The following SLC24A2 variants were observed in gnomAD, a reference collection of about 807,000 sequenced individuals.
SLC24A2 encodes sodium/potassium/calcium exchanger 2.
Under a neutral mutation model 62.0 loss-of-function variants are expected in SLC24A2, and 36 were observed. The observed-to-expected ratio is 0.58, with a 90% CI of 0.44 to 0.77. The LOEUF is 0.77. Ranked by LOEUF, SLC24A2 falls within the 30% of genes least tolerant of loss-of-function variation. The probability of loss-of-function intolerance (pLI) is 0.00; values close to 1 mark genes in which losing one functional copy is unlikely to be tolerated. For missense variants in SLC24A2, 846 were observed against 817.9 expected, an observed-to-expected ratio of 1.03 and a Z score of -0.42; for synonymous variants, 358 against 294.0, an observed-to-expected ratio of 1.22 and a Z score of -2.23.
chr9:20,147,497 T>G, the SLC24A2 span, among the ~76,000 whole-genome samples: 1 of 152,102 alleles, frequency 6.6e-6, no homozygotes, highest in Non-Finnish European at 1.5e-5. Context: ...TTAAAAGAAA[T>G]AAAAATTGGG....
chr9:19,623,530 G>A (rs374640834), intron 2 of SLC24A2, among the ~76,000 whole-genome samples: 126 of 152,076 alleles, frequency 8.3e-4, no homozygotes, highest in African/African-American at 2.9e-3. Context: ...AAAATAGAAG[G>A]GATTCTTATA....
chr9:20,230,459 T>G, the SLC24A2 span, among the ~76,000 whole-genome samples: 2 of 152,242 alleles, frequency 1.3e-5, no homozygotes, highest in African/African-American at 4.8e-5. Context: ...CATTGTGGTT[T>G]TGATTTGCAT....
chr9:19,927,626 C>A, the SLC24A2 span: 1 of 152,186 alleles, frequency 6.6e-6, no homozygotes, highest in African/African-American at 2.4e-5. Flanking sequence ...TACAACAATT[C>A]CCCCACCCCC....
At chr9:19,886,865 T>C in the SLC24A2 span, among the ~76,000 whole-genome samples, 5 of 152,188 alleles carry the variant, frequency 3.3e-5, no homozygotes, top group African/African-American at 1.2e-4. Context: ...TGGAATACTA[T>C]GCAGCCATAA....
intron 2 of SLC24A2, among the ~76,000 whole-genome samples, chr9:19,721,750 A>G (rs1445762849): frequency 6.6e-6 from 1 of 152,138 alleles, no homozygotes; most frequent in African/African-American, 2.4e-5. Flanking sequence ...ATTCCAACAC[A>G]TAACAGCCTT....
At chr9:20,143,576 C>T in the SLC24A2 span, among the ~76,000 whole-genome samples, 1 of 152,134 alleles carries the variant, frequency 6.6e-6, no homozygotes, top group Admixed American at 6.5e-5. Context: ...ATACTTTTCT[C>T]CCATGTCTGT....
the SLC24A2 span, among the ~76,000 whole-genome samples, chr9:20,186,999 AT>A: frequency 2.6e-5 from 4 of 152,230 alleles, no homozygotes; most frequent in African/African-American, 7.2e-5. Flanking sequence ...CTCTATGAAG[AT>A]TTTTTAAAGT....
the SLC24A2 span, among the ~76,000 whole-genome samples, chr9:19,993,289 T>A: frequency 6.6e-6 from 1 of 152,218 alleles, no homozygotes; most frequent in Non-Finnish European, 1.5e-5. Flanking sequence ...CTAGCTTTAA[T>A]AGTATTTATT....
the SLC24A2 span, among the ~76,000 whole-genome samples, chr9:20,047,146 C>T: frequency 6.6e-6 from 1 of 152,130 alleles, no homozygotes; most frequent in Admixed American, 6.5e-5. Flanking sequence ...AGGTTAGTTA[C>T]AACAGGTGAT....
chr9:20,290,583 G>A, the SLC24A2 span, among the ~76,000 whole-genome samples: 2 of 152,236 alleles, frequency 1.3e-5, no homozygotes, highest in Non-Finnish European at 2.9e-5. Flanking sequence ...CGGCTGGAAT[G>A]AGTCTCTTGG....
chr9:20,130,626 G>A, the SLC24A2 span, among the ~76,000 whole-genome samples: 1 of 152,138 alleles, frequency 6.6e-6, no homozygotes, highest in East Asian at 1.9e-4. Context: ...AAATGAATCA[G>A]AGCCTGTAAG....
chr9:19,925,376 A>G, the SLC24A2 span, among the ~76,000 whole-genome samples: 1 of 152,238 alleles, frequency 6.6e-6, no homozygotes, highest in Non-Finnish European at 1.5e-5. Context: ...TCTTTTTGTC[A>G]TCTCTTAGAA....
the SLC24A2 span, among the ~76,000 whole-genome samples, chr9:19,990,865 T>A: frequency 7.8e-6 from 1 of 128,066 alleles, no homozygotes; most frequent in East Asian, 2.1e-4. Context: ...AAAAAAAAAA[T>A]AGTATCAATA....
the SLC24A2 span, among the ~76,000 whole-genome samples, chr9:20,100,405 G>A: frequency 5.3e-5 from 8 of 152,028 alleles, no homozygotes; most frequent in Non-Finnish European, 1.0e-4. Context: ...TCTTTCTCAG[G>A]CAAGACTTCC....
At chr9:20,059,227 G>A in the SLC24A2 span, among the ~76,000 whole-genome samples, 59 of 152,178 alleles carry the variant, frequency 3.9e-4, no homozygotes, top group African/African-American at 1.4e-3. Context: ...CTCATAAGAG[G>A]GAAACAAGAG....
intron 2 of SLC24A2, among the ~76,000 whole-genome samples, chr9:19,685,069 C>A (rs193299248): frequency 6.6e-6 from 1 of 151,974 alleles, no homozygotes; most frequent in Admixed American, 6.6e-5. Context: ...TAACTGACTG[C>A]GCCACTGGAG....
At chr9:20,118,449 C>T in the SLC24A2 span, among the ~76,000 whole-genome samples, 2 of 151,774 alleles carry the variant, frequency 1.3e-5, no homozygotes, top group Admixed American at 1.3e-4. Flanking sequence ...TTCCAGGGGC[C>T]CCTGACTGAT....
At position 19,514,418 on chromosome 9, in the gene SLC24A2, C is replaced by A. The variant is rs566319889; in HGVS notation, c.*1735G>T. 6.6e-6 allele frequency: 1 copy of A among 152,092 alleles called. No individual in the cohort carries two copies. Among genetic ancestry groups the A allele is most frequent in the East Asian group, 1.9e-4 (1 of 5,194 alleles). The allele number at this position is 152,092 out of a possible 1,614,324, so 9.4% of individuals were successfully genotyped here. A position where few individuals can be genotyped will look rare whatever the true frequency, so the allele number is the denominator to read the frequency against. ...GATGGGTACAGAATAATGAACCATC[C>A]TTGATTCAATTTTTCAACTGATTTT... On this transcript the variant is annotated 3_prime_UTR_variant, in exon 11 of 11. Coordinates refer to ENST00000341998, the MANE Select transcript of SLC24A2 (RefSeq NM_020344.4).
chr9:20,158,128 A>T, the SLC24A2 span, among the ~76,000 whole-genome samples: 5 of 151,770 alleles, frequency 3.3e-5, no homozygotes, highest in African/African-American at 1.2e-4. Flanking sequence ...AAAAATGGAT[A>T]TGGAAAGAAA....
Sources: allele counts gnomAD v4.1 joint callset (sites outside exome capture counted in the v4.1 genomes callset), GRCh38; gene constraint gnomAD v4.1.1; transcripts MANE v1.5; gene names NCBI Gene and HGNC (gene_info 2026-07-23, HGNC 2026-07-21).